The following MALRD1 variants were observed in gnomAD, a reference collection of about 807,000 sequenced individuals.
MALRD1 encodes MAM and LDL receptor class A domain containing 1, also known as MAM and LDL-receptor class A domain-containing protein 1.
Under a neutral mutation model 242.1 loss-of-function variants are expected in MALRD1, and 247 were observed. The observed-to-expected ratio is 1.02, with a 90% CI of 0.92 to 1.13. MALRD1 has a LOEUF of 1.13. MALRD1 is among the 50% of genes most tolerant of loss of function. MALRD1 has a pLI of 0.00. For synonymous variants in MALRD1, 995 were observed against 866.6 expected, an observed-to-expected ratio of 1.15 and a Z score of -2.60; for missense variants, 2,989 against 2,533.1, an observed-to-expected ratio of 1.18 and a Z score of -3.86.
intron 26 of MALRD1, among the ~76,000 whole-genome samples, chr10:19,356,445 C>A (rs1844642549): frequency 1.3e-5 from 2 of 152,040 alleles, no homozygotes; most frequent in South Asian, 4.1e-4. Context: ...TTTACATTTT[C>A]TAATAGTCAC....
At chr10:19,657,225 G>C (rs1841199451) in intron 36 of MALRD1, among the ~76,000 whole-genome samples, 3 of 152,170 alleles carry the variant, frequency 2.0e-5, no homozygotes, top group African/African-American at 7.2e-5. Context: ...CCTATCTTCA[G>C]CTTTTGCTTT....
At chr10:19,167,002 G>A (rs749756103) in intron 13 of MALRD1, among the ~76,000 whole-genome samples, 3 of 152,154 alleles carry the variant, frequency 2.0e-5, no homozygotes, top group Non-Finnish European at 2.9e-5. Flanking sequence ...CTCCAGGGGA[G>A]TCTGAATATT....
intron 29 of MALRD1, among the ~76,000 whole-genome samples, chr10:19,490,433 C>T (rs1407527969): frequency 1.4e-5 from 2 of 145,220 alleles, no homozygotes; most frequent in African/African-American, 2.5e-5. Flanking sequence ...TACAGGCATA[C>T]CTCTCGTTAA....
intron 31 of MALRD1, among the ~76,000 whole-genome samples, chr10:19,514,234 A>G (rs1275442522): frequency 6.6e-6 from 1 of 152,206 alleles, no homozygotes; most frequent in Non-Finnish European, 1.5e-5. Context: ...TAGAATTATG[A>G]CTGACAGCAT....
At chr10:19,693,695 T>C (rs972662652) in intron 38 of MALRD1, among the ~76,000 whole-genome samples, 1 of 152,136 alleles carries the variant, frequency 6.6e-6, no homozygotes, top group African/African-American at 2.4e-5. Context: ...AAGCAACCAA[T>C]GACTTTCTTC....
At position 19,359,065 on chromosome 10, in the gene MALRD1, G is replaced by A. The variant is rs116114044; in HGVS notation, c.4441+6768G>A. ...GACATGACGGCTACTGATGGACAAA[G>A]GGGACAAAGAAGAAATTATAGTTTT... On this transcript the variant is annotated intron_variant, in intron 26 of 39. Coordinates refer to ENST00000454679, the MANE Select transcript of MALRD1 (RefSeq NM_001142308.3). Among the ~76,000 whole-genome samples, 509 of 152,262 alleles carry A rather than the reference G, an allele frequency of 3.3e-3. 1 individual carries two copies. The highest frequency in any genetic ancestry group is 0.012 in the African/African-American group (487 of 41,566).
intron 23 of MALRD1, among the ~76,000 whole-genome samples, chr10:19,327,959 T>A (rs1843207286): frequency 6.6e-6 from 1 of 152,116 alleles, no homozygotes; most frequent in African/African-American, 2.4e-5. Flanking sequence ...TAAGGAACAT[T>A]TACCTCTGTT....
chr10:19,530,379 A>AT (rs1834315680), intron 31 of MALRD1, among the ~76,000 whole-genome samples: 1 of 84,450 alleles, frequency 1.2e-5, no homozygotes, highest in African/African-American at 7.5e-5. Context: ...ATTTATATAA[A>AT]TATTATATAT....
intron 18 of MALRD1, among the ~76,000 whole-genome samples, chr10:19,215,905 G>T (rs1350834222): frequency 6.6e-6 from 1 of 150,936 alleles, no homozygotes; most frequent in Non-Finnish European, 1.5e-5. Context: ...CCTTTGCATA[G>T]TTTTTTTTCA....
chr10:19,569,464 A>G (rs1239191094), intron 33 of MALRD1, among the ~76,000 whole-genome samples: 1 of 151,176 alleles, frequency 6.6e-6, no homozygotes, highest in Non-Finnish European at 1.5e-5. Flanking sequence ...TTTTCTCACC[A>G]TTTATCTCAG....
intron 18 of MALRD1, among the ~76,000 whole-genome samples, chr10:19,234,439 A>G (rs1838212125): frequency 6.6e-6 from 1 of 152,130 alleles, no homozygotes; most frequent in African/African-American, 2.4e-5. Context: ...TTTTCCTGAT[A>G]GATATGAACA....
intron 14 of MALRD1, among the ~76,000 whole-genome samples, chr10:19,182,732 C>G (rs890828906): frequency 6.6e-6 from 1 of 152,044 alleles, no homozygotes; most frequent in Non-Finnish European, 1.5e-5. Context: ...AAGTTCCCTA[C>G]GTGAGCAGTT....
At chr10:19,673,766 G>A (rs1431462697) in intron 36 of MALRD1, among the ~76,000 whole-genome samples, 2 of 151,818 alleles carry the variant, frequency 1.3e-5, no homozygotes, top group Non-Finnish European at 2.9e-5. Context: ...ACTTTTTTAT[G>A]ATTTATAATG....
Position 19,242,069 on chromosome 10 carries a change from G to A in MALRD1, c.2992-15615G>A, listed in dbSNP as rs113467888. 0.016 allele frequency among the ~76,000 whole-genome samples: 2,511 copies of A among 152,230 alleles called. 90 individuals are homozygous for A. In the East Asian group the frequency reaches 0.17, roughly 10 times the overall value. On this transcript the variant is annotated intron_variant, in intron 18 of 39. Coordinates refer to ENST00000454679, the MANE Select transcript of MALRD1 (RefSeq NM_001142308.3). ...TGTATTAGTCTGTTTTCATACTGCT[G>A]ATAAAGACATACCTGAGACTGGGTA...
intron 29 of MALRD1, among the ~76,000 whole-genome samples, chr10:19,460,871 T>C (rs1312558421): frequency 6.6e-6 from 1 of 152,124 alleles, no homozygotes; most frequent in Non-Finnish European, 1.5e-5. Flanking sequence ...TGAAGCACAC[T>C]CTGCGCAGTC....
chr10:19,061,007 C>T (rs11008323), intron 1 of MALRD1, among the ~76,000 whole-genome samples: 29,611 of 152,080 alleles, frequency 0.19, 2,968 homozygotes, highest in Admixed American at 0.29. Flanking sequence ...CCTCAGCAAA[C>T]TAACACAGTA....
At chr10:19,593,126 A>G (rs1837905152) in intron 33 of MALRD1, among the ~76,000 whole-genome samples, 1 of 152,216 alleles carries the variant, frequency 6.6e-6, no homozygotes. Context: ...AAAAGTATAA[A>G]GATTTAAATC....
At chr10:19,334,485 C>T (rs150289176) in intron 24 of MALRD1, among the ~76,000 whole-genome samples, 12 of 151,000 alleles carry the variant, frequency 7.9e-5, no homozygotes, top group East Asian at 7.8e-4. Context: ...AACTTTGGTT[C>T]GATCAGTACT....
chr10:19,487,298 T>TA (rs894878099), intron 29 of MALRD1, among the ~76,000 whole-genome samples: 6 of 152,010 alleles, frequency 3.9e-5, no homozygotes, highest in South Asian at 2.1e-4. Context: ...AGTCTTTCAT[T>TA]AAAAAAATCT....
Sources: gnomAD v4.1 joint callset for allele counts (sites outside exome capture counted in the v4.1 genomes callset) on GRCh38, gnomAD v4.1.1 for gene constraint, MANE v1.5 for transcripts, NCBI Gene and HGNC (gene_info 2026-07-23, HGNC 2026-07-21) for gene names.